The following PSD3 variants were observed in gnomAD, a reference collection of about 807,000 sequenced individuals.
PSD3 encodes pleckstrin and Sec7 domain containing 3.
In PSD3, 49 loss-of-function variants were observed where a neutral mutation model predicts 105.5. The ratio of observed to expected loss-of-function variants is 0.46; its 90% confidence interval spans 0.37 to 0.59. The LOEUF is 0.59. Ranked by LOEUF, PSD3 falls within the 20% of genes least tolerant of loss-of-function variation. The pLI is 0.00. For synonymous variants in PSD3, 557 were observed against 457.8 expected, an observed-to-expected ratio of 1.22 and a Z score of -2.77; for missense variants, 1,561 against 1,263.8, an observed-to-expected ratio of 1.24 and a Z score of -3.57.
chr8:18,542,356 T>C (rs1286535309), intron 15 of PSD3, among the ~76,000 whole-genome samples: 2 of 152,202 alleles, frequency 1.3e-5, no homozygotes, highest in Admixed American at 6.5e-5. Context: ...TTTGGATACA[T>C]AATTCCATAC....
chr8:18,949,204 A>C (rs1823050487), intron 1 of PSD3, among the ~76,000 whole-genome samples: 1 of 101,064 alleles, frequency 9.9e-6, no homozygotes, highest in African/African-American at 3.5e-5. Context: ...CCTGGGCTAC[A>C]GATCGAGACT....
At chr8:18,949,244 A>AAAAATAT (rs1345423514) in intron 1 of PSD3, among the ~76,000 whole-genome samples, 9 of 14,406 alleles carry the variant, frequency 6.2e-4, no homozygotes, top group African/African-American at 1.0e-3. Context: ...AAAAAAAAAA[A>AAAAATAT]ATATATATAT....
At chr8:18,791,703 T>C (rs335254) in intron 8 of PSD3, among the ~76,000 whole-genome samples, 9,035 of 152,028 alleles carry the variant, frequency 0.059, 320 homozygotes, top group African/African-American at 0.087. Context: ...CAAAAGCAAT[T>C]GGAATAAAAG....
chr8:18,737,301 G>C (rs1195159166), intron 9 of PSD3, among the ~76,000 whole-genome samples: 1 of 152,108 alleles, frequency 6.6e-6, no homozygotes, highest in Non-Finnish European at 1.5e-5. Context: ...TTTGAACCCA[G>C]GTACTATGCT....
rs755931207 is a variant in PSD3, at chr8:18,872,645, T to A, written c.219A>T (p.Leu73=). 1.2e-6 allele frequency: 2 copies of A among 1,613,116 alleles called. No individual in the cohort carries two copies. Among genetic ancestry groups the A allele is most frequent in the East Asian group, 4.5e-5 (2 of 44,866 alleles). The change falls in exon 3 of 16, where the codon CTA becomes CTT. Residue 73 remains leucine (L), a synonymous_variant. Transcript: ENST00000327040. ...CACCATCAAATTCCAGAGAAGCCCT[T>A]AGGCCTTCTCCACCTTCCTCCATGG... ...YGTMEEGGEG[L]RASLEFDGEA...
intron 11 of PSD3, among the ~76,000 whole-genome samples, chr8:18,605,739 T>A (rs1338141142): frequency 1.3e-5 from 2 of 152,120 alleles, no homozygotes; most frequent in Non-Finnish European, 2.9e-5. Context: ...GGATCATGAT[T>A]CATCAATGGT....
chr8:18,929,657 A>G (rs577209282), intron 2 of PSD3, among the ~76,000 whole-genome samples: 1 of 152,306 alleles, frequency 6.6e-6, no homozygotes, highest in Non-Finnish European at 1.5e-5. Flanking sequence ...CCACCTGTCT[A>G]TATCTGGGAA....
Position 18,531,559 on chromosome 8 carries a change from T to C in PSD3, c.*4184A>G, listed in dbSNP as rs1799633343. 6.6e-6 allele frequency: 1 copy of C among 152,306 alleles called. No individual in the cohort carries two copies. 9.4% of individuals were successfully genotyped at this position (152,306 alleles called of 1,614,324 possible). On this transcript the variant is annotated 3_prime_UTR_variant, in exon 16 of 16. Coordinates refer to ENST00000327040, the MANE Select transcript of PSD3 (RefSeq NM_015310.4). ...GCTATAAGACTGGTGGAAAGAAATT[T>C]GCTGACATGTGGCAGAGCAGTGGCA...
At position 18,860,700 on chromosome 8, in the gene PSD3, ATAACATCCAATG is replaced by A. The variant is rs530697451; in HGVS notation, c.1634+6962_1634+6973del. On this transcript the variant is annotated intron_variant, in intron 4 of 15. Transcript: ENST00000327040. The stretch of plus-strand genomic sequence containing the variant: ...TCCTCCCCAAAACAAGGCTCAATGG[ATAACATCCAATG>A]TTGCAAATATGGTGCTAAGAGACCT... Among the ~76,000 whole-genome samples the A allele has an allele frequency of 2.1e-3, 326 of 152,330 alleles. 1 individual carries two copies. Among genetic ancestry groups the A allele is most frequent in the African/African-American group, 7.1e-3 (297 of 41,576 alleles).
At chr8:18,968,830 C>T (rs552350345) in intron 1 of PSD3, among the ~76,000 whole-genome samples, 21 of 135,142 alleles carry the variant, frequency 1.6e-4, no homozygotes, top group Non-Finnish European at 3.2e-4. Flanking sequence ...GAGCCGAGAT[C>T]GCGCCACTGC....
At chr8:18,997,834 C>T (rs939967761) in intron 1 of PSD3, among the ~76,000 whole-genome samples, 10 of 151,870 alleles carry the variant, frequency 6.6e-5, no homozygotes, top group African/African-American at 2.2e-4. Context: ...CCTTGACCAC[C>T]CATTTGTAAC....
chr8:18,758,103 A>G (rs987482921), intron 9 of PSD3, among the ~76,000 whole-genome samples: 5 of 152,194 alleles, frequency 3.3e-5, no homozygotes, highest in Non-Finnish European at 7.3e-5. Flanking sequence ...AGTATCCTCC[A>G]ATGGTAACAT....
At chr8:18,852,257 T>G (rs924849719) in intron 4 of PSD3, among the ~76,000 whole-genome samples, 1 of 152,146 alleles carries the variant, frequency 6.6e-6, no homozygotes, top group African/African-American at 2.4e-5. Context: ...CTACAAGTGA[T>G]AGACCAGGAA....
intron 4 of PSD3, among the ~76,000 whole-genome samples, chr8:18,842,672 G>C (rs962801154): frequency 2.0e-5 from 3 of 152,006 alleles, no homozygotes; most frequent in Non-Finnish European, 4.4e-5. Context: ...TGCGGAGTTT[G>C]CAGTGAGCCG....
intron 2 of PSD3, 47 bp from the exon 3 acceptor site, chr8:18,872,780 G>T: frequency 6.8e-7 from 1 of 1,473,026 alleles, no homozygotes; most frequent in Non-Finnish European, 9.1e-7. Context: ...AGAAAGACAG[G>T]GCCCAGTAGG....
chr8:18,726,611 T>C (rs1803350443), intron 9 of PSD3, among the ~76,000 whole-genome samples: 1 of 152,228 alleles, frequency 6.6e-6, no homozygotes, highest in Non-Finnish European at 1.5e-5. Flanking sequence ...CAAACAATTC[T>C]ATCTTCTCAT....
In PSD3 at chr8:18,799,347, A is replaced by G. The variant is rs773783610; in HGVS notation, c.2030T>C (p.Val677Ala). ...CATTATTGCACAGGTAAGGCAATGG[A>G]CTCCATCTAAAGAAAGATACAAGAA... Reference protein sequence around the residue: ...NPDTIASQDGVHCLTCAIMLL... With the variant: ...NPDTIASQDGAHCLTCAIMLL... The change falls in exon 8 of 16, where the codon GTC becomes GCC. Residue 677 changes from valine to alanine, a missense_variant. Physicochemically the swap from Val to Ala is moderately conservative, Grantham distance 64. Coordinates refer to ENST00000327040, the MANE Select transcript of PSD3 (RefSeq NM_015310.4). 1 of 1,602,466 alleles carries G rather than the reference A, an allele frequency of 6.2e-7. No individual in the cohort carries two copies. The highest frequency in any genetic ancestry group is 8.5e-7 in the Non-Finnish European group (1 of 1,171,436).
intron 4 of PSD3, among the ~76,000 whole-genome samples, chr8:18,848,567 G>A (rs1031571000): frequency 5.3e-5 from 8 of 152,198 alleles, no homozygotes; most frequent in African/African-American, 1.7e-4. Context: ...AGTTTTAAAC[G>A]CTTAATAAGA....
chr8:18,568,297 T>C (rs1164036004), intron 14 of PSD3, among the ~76,000 whole-genome samples: 3 of 138,384 alleles, frequency 2.2e-5, no homozygotes, highest in Admixed American at 7.5e-5. Flanking sequence ...CCCCCCTTTC[T>C]TGGCACAACA....
Sources: gnomAD v4.1 joint callset for allele counts (sites outside exome capture counted in the v4.1 genomes callset) on GRCh38, gnomAD v4.1.1 for gene constraint, MANE v1.5 for transcripts, NCBI Gene and HGNC (gene_info 2026-07-23, HGNC 2026-07-21) for gene names.